LAYN: variants seen among roughly 807,000 people sequenced by gnomAD.
LAYN encodes layilin.
In LAYN, 38 loss-of-function variants were observed where a neutral mutation model predicts 43.6. The observed-to-expected ratio is 0.87, with a 90% CI of 0.67 to 1.14. LAYN has a LOEUF of 1.14. Among genes scored for constraint, LAYN ranks in the 50% most tolerant of loss-of-function variants. The pLI is 0.00. For missense variants in LAYN, 479 were observed against 463.8 expected (o/e 1.03, Z -0.30); for synonymous variants, 168 against 172.9 (o/e 0.97, Z 0.22).
intron 1 of LAYN, among the ~76,000 whole-genome samples, chr11:111,543,072 A>G (rs555057204): frequency 6.6e-6 from 1 of 152,196 alleles, no homozygotes; most frequent in African/African-American, 2.4e-5. Context: ...CCAGTAAAAC[A>G]TGAGCCTGGG....
Position 111,554,542 on chromosome 11 carries a change from T to C in LAYN, c.542-19T>C. On this transcript the variant is annotated intron_variant, in intron 3 of 6. Transcript: ENST00000375614. ...AAAAACTTACTACTTATTTTTGTTT[T>C]TGTTTCTTTCTACTACAGAGAAACC... The C allele has an allele frequency of 1.2e-6, 2 of 1,604,492 alleles. No homozygotes were observed. The highest frequency in any genetic ancestry group is 1.7e-6 in the Non-Finnish European group (2 of 1,173,398).
intron 2 of LAYN, among the ~76,000 whole-genome samples, chr11:111,545,100 G>T (rs1867627975): frequency 6.6e-6 from 1 of 150,916 alleles, no homozygotes; most frequent in African/African-American, 2.5e-5. Flanking sequence ...ATTTAAGGCA[G>T]CACATCAGCA....
At chr11:111,557,450 G>A in intron 5 of LAYN, 91 bp from the exon 6 acceptor site, 4 of 1,014,244 alleles carry the variant, frequency 3.9e-6, no homozygotes, top group Non-Finnish European at 6.1e-6. Flanking sequence ...AGTGGTTTTT[G>A]ACGATTATGC....
chr11:111,547,876 G>A (rs1386406533), intron 2 of LAYN, among the ~76,000 whole-genome samples: 1 of 152,148 alleles, frequency 6.6e-6, no homozygotes, highest in African/African-American at 2.4e-5. Context: ...AGTTTCAAAG[G>A]CTTCCCCACT....
chr11:111,540,712 C>A (rs556096663), upstream of LAYN: 4 of 849,228 alleles, frequency 4.7e-6, no homozygotes, highest in South Asian at 4.0e-5. Context: ...CCCTCCCCCC[C>A]GCCTCCCGTG....
At chr11:111,552,614 AAC>A (rs1426308481) in intron 3 of LAYN, among the ~76,000 whole-genome samples, 1 of 152,250 alleles carries the variant, frequency 6.6e-6, no homozygotes, top group East Asian at 1.9e-4. Context: ...ATCATGAGGC[AAC>A]ACAGATGCAC....
Position 111,543,867 on chromosome 11 carries a change from C to T in LAYN, c.86-56C>T. On this transcript the variant is annotated intron_variant, in intron 1 of 6. Coordinates refer to ENST00000375614, the MANE Select transcript of LAYN (RefSeq NM_178834.5). Reference sequence around the variant, plus strand: ...CTTCCTTTGGATGCCTCCACGTATCCCTGCCCCGGTATACTTTTTGAGACA... The same window carrying T: ...CTTCCTTTGGATGCCTCCACGTATCTCTGCCCCGGTATACTTTTTGAGACA... 3.9e-6 allele frequency: 6 copies of T among 1,527,882 alleles called. No homozygotes were observed. In the South Asian group the frequency reaches 6.5e-5, roughly 17 times the overall value. The allele number at this position is 1,527,882 out of a possible 1,614,324, so 94.6% of individuals were successfully genotyped here. A position where few individuals can be genotyped will look rare whatever the true frequency, so the allele number is the denominator to read the frequency against.
chr11:111,551,252 A>G (rs570922537), intron 3 of LAYN: 8 of 442,836 alleles, frequency 1.8e-5, no homozygotes, highest in South Asian at 3.2e-5. Context: ...CTGACGTGGG[A>G]TGGGGGCATG....
intron 6 of LAYN, among the ~76,000 whole-genome samples, chr11:111,559,454 ATTATT>A (rs560930155): frequency 4.0e-5 from 6 of 151,030 alleles, no homozygotes; most frequent in African/African-American, 7.3e-5. Flanking sequence ...ATTTTATTTT[ATTATT>A]TTATTTTATT....
Position 111,544,890 on chromosome 11 carries a change from A to AC in LAYN, c.383+674dup, listed in dbSNP as rs563831367. ...GTTTATATGTCAATAAAATACTAAG[A>AC]CCCCAAAATATAAAGAGACAAAAGA... On this transcript the variant is annotated intron_variant, in intron 2 of 6. Transcript: ENST00000375614. Among the ~76,000 whole-genome samples, 598 of 152,186 alleles carry AC rather than the reference A, an allele frequency of 3.9e-3. 8 individuals carry two copies. Among genetic ancestry groups the AC allele is most frequent in the African/African-American group, 0.014 (565 of 41,518 alleles).
chr11:111,558,777 T>TA (rs61161767), intron 6 of LAYN, among the ~76,000 whole-genome samples: 3,231 of 142,542 alleles, frequency 0.023, 99 homozygotes, highest in African/African-American at 0.068. Flanking sequence ...TTATTTTATT[T>TA]AAAAAAATAT....
rs1411673658 is a variant in LAYN at position 111,540,724 on chromosome 11, G to T, written c.-120G>T. The stretch of plus-strand genomic sequence containing the variant: ...GCGCCCTCCCCCCCGCCTCCCGTGC[G>T]GTCCGTCGGTGGCCTAGAGATGCTG... On this transcript the variant is annotated 5_prime_UTR_variant, in exon 1 of 7. Transcript: ENST00000375614. 2.1e-6 allele frequency: 2 copies of T among 954,012 alleles called. No individual in the cohort carries two copies. Among genetic ancestry groups the T allele is most frequent in the South Asian group, 1.9e-5 (1 of 53,604 alleles). The allele number at this position is 954,012 out of a possible 1,614,324, so 59.1% of individuals were successfully genotyped here.
intron 2 of LAYN, 72 bp from the exon 3 acceptor site, chr11:111,549,546 G>A (rs1282690083): frequency 1.0e-5 from 13 of 1,294,750 alleles, no homozygotes; most frequent in South Asian, 1.7e-5. Flanking sequence ...GAGACTTGAC[G>A]GGAAAACAAA....
chr11:111,547,628 A>G (rs1867670916), intron 2 of LAYN, among the ~76,000 whole-genome samples: 1 of 152,316 alleles, frequency 6.6e-6, no homozygotes, highest in East Asian at 1.9e-4. Flanking sequence ...GACACCACAT[A>G]TGGCACAGGC....
In LAYN at chr11:111,554,031, C is replaced by G. The variant is rs151245730; in HGVS notation, c.542-530C>G. ...TACAAAAGCTCAGAGCTCTAGATCA[C>G]CAGCCTCTGCCTTGGTGCTGGCCAG... On this transcript the variant is annotated intron_variant, in intron 3 of 6. Transcript: ENST00000375614. Among the ~76,000 whole-genome samples, 33 of 152,314 alleles carry G rather than the reference C, an allele frequency of 2.2e-4. 3 individuals carry two copies. In the South Asian group the frequency reaches 3.5e-3, roughly 16 times the overall value.
At position 111,540,782 on chromosome 11, in the gene LAYN, GC is replaced by G; in HGVS notation, c.-59del. 1 of 1,470,768 alleles carries G rather than the reference GC, an allele frequency of 6.8e-7. No individual in the cohort carries two copies. The highest frequency in any genetic ancestry group is 1.3e-5 in the South Asian group (1 of 78,006). The allele number at this position is 1,470,768 out of a possible 1,614,324, so 91.1% of individuals were successfully genotyped here. ...GGTTGCAGTTGTCGCGCACGCCTCT[GC>G]CCGCCAGCCCGCTCCACCGCCGTAG... On this transcript the variant is annotated 5_prime_UTR_variant, in exon 1 of 7. Coordinates refer to ENST00000375614, the MANE Select transcript of LAYN (RefSeq NM_178834.5).
At chr11:111,548,738 C>G (rs1358365266) in intron 2 of LAYN, among the ~76,000 whole-genome samples, 1 of 152,194 alleles carries the variant, frequency 6.6e-6, no homozygotes, top group Non-Finnish European at 1.5e-5. Context: ...ATTGCCTGCT[C>G]TGAGCATCAG....
At chr11:111,559,951 G>C (rs1484846874) in intron 6 of LAYN, 144 bp from the exon 7 acceptor site, 1 of 900,294 alleles carries the variant, frequency 1.1e-6, no homozygotes, top group Middle Eastern at 3.5e-4. Flanking sequence ...CTCCCACTCC[G>C]AAGCCCTGGC....
rs776790248 is a variant in LAYN, at chr11:111,560,295, G to A, written c.962G>A (p.Cys321Tyr). 1.5e-5 allele frequency: 25 copies of A among 1,614,054 alleles called. No individual in the cohort carries two copies. In the South Asian group the frequency reaches 2.3e-4, roughly 15 times the overall value. ...GAAGCCACTCCCGATGACATGTCTTGTGACTATGACAACATGGCTGTGAAC... is the reference window on the plus strand; with the variant it reads ...GAAGCCACTCCCGATGACATGTCTTATGACTATGACAACATGGCTGTGAAC... ...SGEATPDDMS[C>Y]DYDNMAVNPS... Residue 321 changes from cysteine (C) to tyrosine (Y), a missense_variant, in exon 7 of 7, where the codon TGT (cysteine) becomes TAT (tyrosine). Physicochemically the swap from Cys to Tyr is radical, Grantham distance 194. Coordinates refer to ENST00000375614, the MANE Select transcript of LAYN (RefSeq NM_178834.5).
Sources: allele counts gnomAD v4.1 joint callset (sites outside exome capture counted in the v4.1 genomes callset), GRCh38; gene constraint gnomAD v4.1.1; transcripts MANE v1.5; gene names NCBI Gene and HGNC (gene_info 2026-07-23, HGNC 2026-07-21).